FAM83B: variants seen among roughly 807,000 people sequenced by gnomAD.
FAM83B encodes protein FAM83B.
In FAM83B, 26 loss-of-function variants were observed where a neutral mutation model predicts 38.8. The ratio of observed to expected loss-of-function variants is 0.67; its 90% CI spans 0.49 to 0.93. FAM83B has a LOEUF of 0.93. FAM83B is among the 40% of genes least tolerant of loss of function. The probability of loss-of-function intolerance (pLI) is 0.00; values close to 1 mark genes in which losing one functional copy is unlikely to be tolerated. For missense variants in FAM83B, 1,237 were observed against 1,197.3 expected (o/e 1.03, Z -0.49); for synonymous variants, 419 against 423.1 (o/e 0.99, Z 0.12).
intron 2 of FAM83B, among the ~76,000 whole-genome samples, chr6:54,905,492 T>G (rs1295827107): frequency 6.6e-6 from 1 of 152,184 alleles, no homozygotes; most frequent in African/African-American, 2.4e-5. Context: ...TCTTTCCTAT[T>G]TTTTTCGTGG....
At chr6:54,858,987 A>G (rs1771510286) in intron 1 of FAM83B, among the ~76,000 whole-genome samples, 1 of 152,200 alleles carries the variant, frequency 6.6e-6, no homozygotes, top group South Asian at 2.1e-4. Context: ...TCGATTTAAC[A>G]TAAGCAAATA....
At chr6:54,873,576 T>G (rs1273216030) in intron 2 of FAM83B, among the ~76,000 whole-genome samples, 1 of 152,164 alleles carries the variant, frequency 6.6e-6, no homozygotes, top group African/African-American at 2.4e-5. Context: ...TTTTGAATTT[T>G]TTTCAGAGGG....
At chr6:54,914,089 T>A (rs1285679320) in intron 2 of FAM83B, among the ~76,000 whole-genome samples, 1 of 152,176 alleles carries the variant, frequency 6.6e-6, no homozygotes, top group African/African-American at 2.4e-5. Flanking sequence ...TTTGTTGATA[T>A]GTCTCTTAGT....
chr6:54,938,140 G>A (rs1036182027), intron 4 of FAM83B, among the ~76,000 whole-genome samples: 34 of 152,028 alleles, frequency 2.2e-4, no homozygotes, highest in Admixed American at 8.5e-4. Flanking sequence ...CCATTCCTGA[G>A]TTACTTCACT....
chr6:54,914,721 C>A (rs406149), intron 2 of FAM83B, among the ~76,000 whole-genome samples: 35,665 of 151,956 alleles, frequency 0.23, 5,334 homozygotes, highest in African/African-American at 0.43. Flanking sequence ...TTCTCATAAA[C>A]TGTTATTGTA....
In FAM83B at chr6:54,940,087, A is replaced by G; in HGVS notation, c.1116A>G (p.Ile372Met). Residue 372 changes from isoleucine to methionine, a missense_variant, in exon 5 of 5, where the codon ATA becomes ATG. Physicochemically the swap from Ile to Met is conservative, Grantham distance 10 (BLOSUM62 1). Coordinates refer to ENST00000306858, the MANE Select transcript of FAM83B (RefSeq NM_001010872.3). The stretch of plus-strand genomic sequence containing the variant: ...CTAACTTTAATGGTCCAAACGCAAT[A>G]CGTCAGTTTCAACCCAATCAGATAA... ...FVPNFNGPNA[I>M]RQFQPNQINE... 6.2e-7 allele frequency: 1 copy of G among 1,614,036 alleles called. No individual in the cohort carries two copies. The highest frequency in any genetic ancestry group is 1.1e-5 in the South Asian group (1 of 91,068).
chr6:54,920,859 T>A (rs1200507268), intron 2 of FAM83B, among the ~76,000 whole-genome samples: 1 of 151,944 alleles, frequency 6.6e-6, no homozygotes, highest in African/African-American at 2.4e-5. Flanking sequence ...CCCAACACAC[T>A]GTTTTGACTA....
intron 2 of FAM83B, among the ~76,000 whole-genome samples, chr6:54,922,817 A>G (rs934724845): frequency 1.3e-5 from 2 of 152,162 alleles, no homozygotes; most frequent in East Asian, 1.9e-4. Context: ...GGTATTCACA[A>G]TGTATCCATT....
intron 1 of FAM83B, among the ~76,000 whole-genome samples, chr6:54,847,061 G>A (rs62412648): frequency 0.037 from 5,580 of 152,270 alleles, 113 homozygotes; most frequent in Middle Eastern, 0.065. Context: ...TTGTCGTGGG[G>A]GTTCGAGTGA....
chr6:54,889,813 C>G (rs1772360691), intron 2 of FAM83B, among the ~76,000 whole-genome samples: 1 of 152,028 alleles, frequency 6.6e-6, no homozygotes, highest in Admixed American at 6.6e-5. Context: ...TACACACTTA[C>G]AAATGGTTGA....
intron 2 of FAM83B, among the ~76,000 whole-genome samples, chr6:54,896,462 T>C (rs896497301): frequency 6.6e-6 from 1 of 152,192 alleles, no homozygotes; most frequent in African/African-American, 2.4e-5. Context: ...TTCAAAGTTC[T>C]CTGATCTTCT....
intron 2 of FAM83B, among the ~76,000 whole-genome samples, chr6:54,919,802 C>A (rs1001230955): frequency 1.3e-5 from 2 of 151,714 alleles, no homozygotes; most frequent in Non-Finnish European, 2.9e-5. Flanking sequence ...TTATTTTATC[C>A]ATCATAATAT....
At chr6:54,875,171 T>G (rs1022697212) in intron 2 of FAM83B, among the ~76,000 whole-genome samples, 1 of 152,210 alleles carries the variant, frequency 6.6e-6, no homozygotes, top group African/African-American at 2.4e-5. Context: ...AAATCTGGTG[T>G]TCCTATCCAA....
chr6:54,941,990 A>G lies in FAM83B; in HGVS notation c.3019A>G (p.Ile1007Val). The G allele has an allele frequency of 6.3e-7, 1 of 1,595,400 alleles. No individual in the cohort carries two copies. The highest frequency in any genetic ancestry group is 1.4e-5 in the African/African-American group (1 of 73,832). ...ATTTATGCAAAAGTTTGGAAACTTTATACACAAAAATAAATAGCTATTAAA... is the reference window on the plus strand; with the variant it reads ...ATTTATGCAAAAGTTTGGAAACTTTGTACACAAAAATAAATAGCTATTAAA... ...RGFMQKFGNFIHKNK is the reference protein window; with the variant it reads ...RGFMQKFGNFVHKNK Residue 1007 changes from isoleucine to valine, a missense_variant, in exon 5 of 5, where the codon ATA (isoleucine) becomes GTA (valine). Physicochemically the swap from Ile to Val is conservative, Grantham distance 29. Transcript: ENST00000306858.
At chr6:54,922,746 A>G (rs1487453619) in intron 2 of FAM83B, among the ~76,000 whole-genome samples, 2 of 152,076 alleles carry the variant, frequency 1.3e-5, no homozygotes, top group African/African-American at 2.4e-5. Context: ...TTGTTTAAAC[A>G]CTGTAATTAG....
At chr6:54,878,057 G>A (rs899005023) in intron 2 of FAM83B, among the ~76,000 whole-genome samples, 3 of 152,192 alleles carry the variant, frequency 2.0e-5, no homozygotes, top group Admixed American at 1.3e-4. Flanking sequence ...AGGCCAGGAG[G>A]CACTGAAAGG....
At chr6:54,920,169 AT>A (rs908809704) in intron 2 of FAM83B, among the ~76,000 whole-genome samples, 18 of 148,722 alleles carry the variant, frequency 1.2e-4, no homozygotes, top group African/African-American at 3.7e-4. Flanking sequence ...TATCAGCCTC[AT>A]TTTTTTTTTC....
At chr6:54,914,113 A>G (rs995969611) in intron 2 of FAM83B, among the ~76,000 whole-genome samples, 2 of 152,116 alleles carry the variant, frequency 1.3e-5, no homozygotes, top group African/African-American at 4.8e-5. Flanking sequence ...CTTTTAATCT[A>G]TAAGTTTCCC....
rs1773686112 is a variant in FAM83B at position 54,941,314 on chromosome 6, T to C, written c.2343T>C (p.Leu781=). 6.2e-7 allele frequency: 1 copy of C among 1,612,364 alleles called. No homozygotes were observed. Among genetic ancestry groups the C allele is most frequent in the Non-Finnish European group, 8.5e-7 (1 of 1,179,666 alleles). ...GSQKLRSLLS[L]TPDKKENLSK... is the part of the protein sequence containing the mutation. Reference sequence around the variant, plus strand: ...AGAAGTTAAGGTCATTACTTAGCCTTACCCCAGATAAGAAAGAAAATCTAT... The same window carrying C: ...AGAAGTTAAGGTCATTACTTAGCCTCACCCCAGATAAGAAAGAAAATCTAT... The change falls in exon 5 of 5, where the codon CTT becomes CTC. Residue 781 remains leucine (L), a synonymous_variant. Coordinates refer to ENST00000306858, the MANE Select transcript of FAM83B (RefSeq NM_001010872.3).
Sources: gnomAD v4.1 joint callset for allele counts (sites outside exome capture counted in the v4.1 genomes callset) on GRCh38, gnomAD v4.1.1 for gene constraint, MANE v1.5 for transcripts, NCBI Gene and HGNC (gene_info 2026-07-23, HGNC 2026-07-21) for gene names.